RASSF4: variants seen among roughly 807,000 people sequenced by gnomAD.
The protein encoded by RASSF4 is Ras association domain family member 4, also known as ras association domain-containing protein 4.
Under a neutral mutation model 41.1 loss-of-function variants are expected in RASSF4, and 38 were observed. The observed-to-expected ratio is 0.92, with a 90% CI of 0.71 to 1.21. RASSF4 has a LOEUF of 1.21. Ranked by LOEUF, RASSF4 falls within the 50% of genes most tolerant of loss-of-function variation. The pLI, the probability that RASSF4 is intolerant of heterozygous loss-of-function variation, is 0.00. For synonymous variants in RASSF4, 179 were observed against 163.4 expected (o/e 1.10, Z -0.73); for missense variants, 414 against 419.4 (o/e 0.99, Z 0.11).
intron 3 of RASSF4, among the ~76,000 whole-genome samples, chr10:44,973,140 C>T (rs1030927830): frequency 1.3e-5 from 2 of 152,210 alleles, no homozygotes; most frequent in African/African-American, 4.8e-5. Context: ...CGAGGCCCCA[C>T]AGCTTGCTCC....
chr10:44,991,222 C>T (rs556159369), intron 9 of RASSF4, 153 bp downstream of exon 9: 27 of 583,196 alleles, frequency 4.6e-5, no homozygotes, highest in South Asian at 3.6e-4. Context: ...CACAGGGAGG[C>T]GCCAGCCCTC....
Position 44,994,946 on chromosome 10 carries a change from G to A in RASSF4, c.*1617G>A, listed in dbSNP as rs1424531091. On this transcript the variant is annotated 3_prime_UTR_variant, in exon 11 of 11. Coordinates refer to ENST00000340258, the MANE Select transcript of RASSF4 (RefSeq NM_032023.4). ...TGGAACACGCAGGCGTCACTGGTGG[G>A]AGCCTAGAGGTGACCTGGATGATGA... is the stretch of plus-strand genomic sequence containing the variant. 6.6e-6 allele frequency: 1 copy of A among 152,102 alleles called. No individual in the cohort carries two copies. The highest frequency in any genetic ancestry group is 2.4e-5 in the African/African-American group (1 of 41,410). 9.4% of individuals were successfully genotyped at this position (152,102 alleles called of 1,614,324 possible).
chr10:44,971,583 C>G (rs777715511), intron 2 of RASSF4, 190 bp from the exon 3 acceptor site: 1 of 691,338 alleles, frequency 1.4e-6, no homozygotes. Context: ...TGCCCCCCAC[C>G]AGGGCCATGT....
intron 3 of RASSF4, chr10:44,977,381 C>A (rs370394967): frequency 3.5e-5 from 55 of 1,555,716 alleles, no homozygotes; most frequent in Non-Finnish European, 4.3e-5. Flanking sequence ...GAAGCCTTTA[C>A]TGGGGAGGGG....
chr10:44,982,358 A>G, intron 3 of RASSF4, 163 bp from the exon 4 acceptor site: 1 of 845,154 alleles, frequency 1.2e-6, no homozygotes, highest in Non-Finnish European at 1.9e-6. Context: ...GCCTGGTCAC[A>G]CGCCCCAGGG....
rs111769854 is a variant in RASSF4 at position 44,970,213 on chromosome 10, A to C, written c.11A>C (p.Asp4Ala). 6.2e-7 allele frequency: 1 copy of C among 1,613,904 alleles called. No individual in the cohort carries two copies. Among genetic ancestry groups the C allele is most frequent in the Admixed American group, 1.7e-5 (1 of 60,028 alleles). MKE[D>A]CLPSSHVPIS... ...CAAGAGGAAGAGAAGATGAAGGAAG[A>C]CTGTCTGCCGAGTTCTCACGTGCCC... Residue 4 changes from aspartate to alanine, a missense_variant, in exon 2 of 11, where the codon GAC becomes GCC. By Grantham distance (126) the Asp-to-Ala change is moderately radical. Transcript: ENST00000340258.
chr10:44,962,796 C>T (rs141091725), intron 1 of RASSF4, among the ~76,000 whole-genome samples: 58 of 152,276 alleles, frequency 3.8e-4, no homozygotes, highest in African/African-American at 1.3e-3. Flanking sequence ...GTTCCAGGAG[C>T]AGAGAATGTA....
At chr10:44,983,241 G>A (rs1280709865) in intron 4 of RASSF4, 5 of 319,820 alleles carry the variant, frequency 1.6e-5, no homozygotes, top group Non-Finnish European at 2.4e-5. Flanking sequence ...AGTAACTCCT[G>A]TAGAGGGCAC....
chr10:44,969,118 G>C (rs1322527530), intron 1 of RASSF4, among the ~76,000 whole-genome samples: 1 of 151,914 alleles, frequency 6.6e-6, no homozygotes, highest in Non-Finnish European at 1.5e-5. Flanking sequence ...TTGTGTGTGT[G>C]TGTGTGTGTG....
At chr10:44,980,195 A>C (rs1053129579) in intron 3 of RASSF4, among the ~76,000 whole-genome samples, 1 of 152,088 alleles carries the variant, frequency 6.6e-6, no homozygotes, top group Non-Finnish European at 1.5e-5. Flanking sequence ...CTAGGTGGGA[A>C]CTCCATGTGC....
chr10:44,982,968 G>A (rs1742312360), intron 4 of RASSF4: 1 of 646,130 alleles, frequency 1.5e-6, no homozygotes, highest in African/African-American at 1.8e-5. Context: ...ACCTATGCAA[G>A]CCGAACATGT....
chr10:44,989,163 A>T, intron 6 of RASSF4, 111 bp from the exon 7 acceptor site: 2 of 664,704 alleles, frequency 3.0e-6, no homozygotes, highest in South Asian at 3.6e-5. Context: ...GGACAGGTGC[A>T]GGTGTTCCCA....
intron 1 of RASSF4, 44 bp from the exon 2 acceptor site, chr10:44,970,121 C>T: frequency 1.6e-6 from 2 of 1,240,600 alleles, no homozygotes; most frequent in Admixed American, 1.7e-5. Context: ...CTGGCCGGCA[C>T]TCCTCTGGCT....
At chr10:44,962,645 A>C (rs1485930747) in intron 1 of RASSF4, among the ~76,000 whole-genome samples, 1 of 152,172 alleles carries the variant, frequency 6.6e-6, no homozygotes, top group Non-Finnish European at 1.5e-5. Flanking sequence ...GCCCCAGGCA[A>C]TCGGGATATT....
chr10:44,975,106 C>T (rs1219674459), intron 3 of RASSF4, among the ~76,000 whole-genome samples: 21 of 151,916 alleles, frequency 1.4e-4, no homozygotes, highest in Admixed American at 1.4e-3. Context: ...GGCGCCGAGG[C>T]TCCGGGGCGC....
At position 44,989,349 on chromosome 10, in the gene RASSF4, C is replaced by T. The variant is rs538834884; in HGVS notation, c.607C>T (p.Leu203Phe). The change falls in exon 7 of 11, where the codon CTC becomes TTC. Residue 203 changes from leucine to phenylalanine, a missense_variant. Coordinates refer to ENST00000340258, the MANE Select transcript of RASSF4 (RefSeq NM_032023.4). Reference sequence around the variant, plus strand: ...CAGCACCATGACAACCCTGCAGGTGCTCACCCTGCTGCTGAACAAATTTAG... The same window carrying T: ...CAGCACCATGACAACCCTGCAGGTGTTCACCCTGCTGCTGAACAAATTTAG... ...VNSTMTTLQV[L>F]TLLLNKFRVE... is the part of the protein sequence containing the mutation. The T allele has an allele frequency of 6.2e-7, 1 of 1,613,090 alleles. No homozygotes were observed. Among genetic ancestry groups the T allele is most frequent in the East Asian group, 2.2e-5 (1 of 44,874 alleles).
intron 3 of RASSF4, among the ~76,000 whole-genome samples, chr10:44,973,027 C>A (rs758172915): frequency 1.9e-4 from 29 of 152,340 alleles, no homozygotes; most frequent in Non-Finnish European, 2.8e-4. Flanking sequence ...GACATCACAC[C>A]CTTCAGGAGC....
chr10:44,970,310 C>T (rs757515312), intron 2 of RASSF4, 46 bp downstream of exon 2: 1 of 1,482,348 alleles, frequency 6.7e-7, no homozygotes, highest in East Asian at 2.3e-5. Flanking sequence ...TCACATTTGC[C>T]ATCCCCCTCA....
chr10:44,977,786 A>C, intron 3 of RASSF4: 1 of 1,601,604 alleles, frequency 6.2e-7, no homozygotes, highest in Non-Finnish European at 8.5e-7. Flanking sequence ...GATGTCTCGC[A>C]GGGACACAGC....
Sources: gnomAD v4.1 joint callset for allele counts (sites outside exome capture counted in the v4.1 genomes callset) on GRCh38, gnomAD v4.1.1 for gene constraint, MANE v1.5 for transcripts, NCBI Gene and HGNC (gene_info 2026-07-23, HGNC 2026-07-21) for gene names.